Variants in EMB observed in about 807,000 individuals in gnomAD.
The protein encoded by EMB is embigin homolog.
In EMB, 31 loss-of-function variants were observed where a neutral mutation model predicts 41.4. That is an observed-to-expected ratio of 0.75 (90% CI 0.56 to 1.01). The LOEUF (loss-of-function observed/expected upper bound fraction) is 1.01. Ranked by LOEUF, EMB falls within the 50% of genes least tolerant of loss-of-function variation. EMB has a pLI of 0.00. For synonymous variants in EMB, 137 were observed against 140.4 expected (o/e 0.98, Z 0.17); for missense variants, 379 against 388.3 (o/e 0.98, Z 0.20).
Position 50,398,140 on chromosome 5 carries a change from C to A in EMB, c.*1133G>T, listed in dbSNP as rs1193258937. On this transcript the variant is annotated 3_prime_UTR_variant, in exon 9 of 9. Transcript: ENST00000303221. ...TTTGAGCAGTGGGACACTTCATGGTCATTTATGTTATCTAGTATCTTGTGG... is the reference window on the plus strand; with the variant it reads ...TTTGAGCAGTGGGACACTTCATGGTAATTTATGTTATCTAGTATCTTGTGG... The A allele has an allele frequency of 6.6e-6, 1 of 151,020 alleles. No individual in the cohort carries two copies. Among genetic ancestry groups the A allele is most frequent in the African/African-American group, 2.4e-5 (1 of 41,118 alleles). The allele number at this position is 151,020 out of a possible 1,614,324, so 9.4% of individuals were successfully genotyped here.
intron 2 of EMB, among the ~76,000 whole-genome samples, chr5:50,427,306 T>A (rs1396292515): frequency 1.1e-4 from 16 of 152,064 alleles, no homozygotes; most frequent in Admixed American, 1.0e-3. Flanking sequence ...ATTATAAATA[T>A]ATCTTCAAAT....
rs1745104237 is a variant in EMB, at chr5:50,398,302, G to A, written c.*971C>T. ...CGAAGTATCCTATTTTGGAAGATAA[G>A]TCTAAGGCATTCACAGCAATAAAAA... On this transcript the variant is annotated 3_prime_UTR_variant, in exon 9 of 9. Transcript: ENST00000303221. The A allele has an allele frequency of 6.6e-6, 1 of 151,868 alleles. No individual in the cohort carries two copies. The highest frequency in any genetic ancestry group is 1.5e-5 in the Non-Finnish European group (1 of 67,958). 9.4% of individuals were successfully genotyped at this position (151,868 alleles called of 1,614,324 possible). A position where few individuals can be genotyped will look rare whatever the true frequency, so the allele number is the denominator to read the frequency against.
chr5:50,413,137 G>T (rs1056700126), intron 2 of EMB, among the ~76,000 whole-genome samples: 1 of 152,056 alleles, frequency 6.6e-6, no homozygotes, highest in Non-Finnish European at 1.5e-5. Flanking sequence ...GGCAAATAAA[G>T]AAAAAATATT....
chr5:50,408,089 C>T (rs973230263), intron 4 of EMB, among the ~76,000 whole-genome samples: 1 of 151,926 alleles, frequency 6.6e-6, no homozygotes, highest in Non-Finnish European at 1.5e-5. Flanking sequence ...ATTATGCTAC[C>T]TTTCCATACT....
chr5:50,423,776 AGG>A (rs1745564620), intron 2 of EMB, among the ~76,000 whole-genome samples: 1 of 152,212 alleles, frequency 6.6e-6, no homozygotes, highest in Non-Finnish European at 1.5e-5. Context: ...AACTGTGTTG[AGG>A]ACAGGCCCAC....
At position 50,410,855 on chromosome 5, in the gene EMB, T is replaced by C. The variant is rs10061275; in HGVS notation, c.472+22A>G. The C allele has an allele frequency of 8.8e-3, 12,192 of 1,392,042 alleles. 533 individuals carry two copies. The African/African-American group carries it at 0.11, about 12-fold the overall frequency. 86.2% of individuals were successfully genotyped at this position (1,392,042 alleles called of 1,614,324 possible). A position where few individuals can be genotyped will look rare whatever the true frequency, so the allele number is the denominator to read the frequency against. Reference sequence around the variant, plus strand: ...ACATAATGCTGAAGTTATTAACTATTCCTCAAGTTATTAATACTGACCTTT... The same window carrying C: ...ACATAATGCTGAAGTTATTAACTATCCCTCAAGTTATTAATACTGACCTTT... On this transcript the variant is annotated intron_variant, in intron 4 of 8. Transcript: ENST00000303221.
intron 7 of EMB, 34 bp downstream of exon 7, chr5:50,402,252 A>C: frequency 6.3e-7 from 1 of 1,596,574 alleles, no homozygotes; most frequent in Non-Finnish European, 8.6e-7. Context: ...TATTTTACCC[A>C]AGTGAAAATT....
At chr5:50,406,108 G>A (rs1745244861) in intron 4 of EMB, among the ~76,000 whole-genome samples, 2 of 151,800 alleles carry the variant, frequency 1.3e-5, no homozygotes, top group South Asian at 4.1e-4. Context: ...CAAAAGTATT[G>A]TTCCTTTTTG....
At chr5:50,438,311 C>T (rs1026594188) in intron 1 of EMB, among the ~76,000 whole-genome samples, 2 of 152,140 alleles carry the variant, frequency 1.3e-5, no homozygotes, top group Non-Finnish European at 2.9e-5. Context: ...TGCAGTGAGC[C>T]GTGAATGTGC....
chr5:50,428,222 G>T lies in EMB; in HGVS notation c.118C>A (p.Pro40Thr), dbSNP rs752575009. The change falls in exon 2 of 9, where the codon CCT (proline) becomes ACT (threonine). Residue 40 changes from proline (P) to threonine (T), a missense_variant. Pro to Thr is a conservative substitution (Grantham distance 38, BLOSUM62 -1). Transcript: ENST00000303221. Reference sequence around the variant, plus strand: ...TCTCTGAGAGGTGGACTTGTAAAAGGCGAATCTATAAGAGAAAGAACACAT... The same window carrying T: ...TCTCTGAGAGGTGGACTTGTAAAAGTCGAATCTATAAGAGAAAGAACACAT... ...SSADGSAPDS[P>T]FTSPPLREEI... 6.2e-7 allele frequency: 1 copy of T among 1,609,150 alleles called. No individual in the cohort carries two copies. The highest frequency in any genetic ancestry group is 2.2e-5 in the East Asian group (1 of 44,810).
intron 1 of EMB, among the ~76,000 whole-genome samples, chr5:50,440,778 C>T (rs558439840): frequency 1.3e-5 from 2 of 152,232 alleles, no homozygotes; most frequent in African/African-American, 4.8e-5. Flanking sequence ...TACCTACGCG[C>T]CCGACTCGCG....
In EMB at chr5:50,441,056, C is replaced by T. The variant is rs1196596379; in HGVS notation, c.96G>A (p.Ala32=). Residue 32 remains alanine (A), a synonymous_variant, in exon 1 of 9, where the codon GCG becomes GCA. Transcript: ENST00000303221. The part of the protein sequence containing the change: ...CLLAAARPSS[A]DGSAPDSPFT... Reference sequence around the variant, plus strand: ...CCATCACACCTGGGGCACTGCCGTCCGCCGAGCTTGGGCGCGCGGCAGCGA... The same window carrying T: ...CCATCACACCTGGGGCACTGCCGTCTGCCGAGCTTGGGCGCGCGGCAGCGA... 7.3e-6 allele frequency: 11 copies of T among 1,509,336 alleles called. No individual in the cohort carries two copies. The highest frequency in any genetic ancestry group is 2.6e-5 in the East Asian group (1 of 37,892). The allele number at this position is 1,509,336 out of a possible 1,614,324, so 93.5% of individuals were successfully genotyped here.
At chr5:50,419,466 A>C (rs1745480561) in intron 2 of EMB, among the ~76,000 whole-genome samples, 1 of 152,108 alleles carries the variant, frequency 6.6e-6, no homozygotes, top group Non-Finnish European at 1.5e-5. Flanking sequence ...AATGGATTTC[A>C]AAATTATTTT....
At chr5:50,440,838 G>T (rs1243614538) in intron 1 of EMB, among the ~76,000 whole-genome samples, 1 of 152,054 alleles carries the variant, frequency 6.6e-6, no homozygotes, top group Non-Finnish European at 1.5e-5. Context: ...AACGCGAGCC[G>T]CAGCAGTTTC....
intron 2 of EMB, among the ~76,000 whole-genome samples, chr5:50,412,938 GTA>G (rs1491382474): frequency 9.6e-6 from 1 of 104,522 alleles, no homozygotes; most frequent in Non-Finnish European, 1.9e-5. Context: ...GGATACTGGT[GTA>G]AAAAAAAAAA....
rs1281462256 is a variant in EMB, at chr5:50,405,970, T to A, written c.473-118A>T. 1.0e-5 allele frequency: 14 copies of A among 1,377,584 alleles called. No homozygotes were observed. The South Asian group carries it at 2.2e-4, about 22-fold the overall frequency. The allele number at this position is 1,377,584 out of a possible 1,614,324, so 85.3% of individuals were successfully genotyped here. A position where few individuals can be genotyped will look rare whatever the true frequency, so the allele number is the denominator to read the frequency against. On this transcript the variant is annotated intron_variant, in intron 4 of 8. Coordinates refer to ENST00000303221, the MANE Select transcript of EMB (RefSeq NM_198449.3). ...ATTACATTATTTTAAGTACTTTCAG[T>A]TATATATCAATGAAACTAATTTATA...
In EMB at chr5:50,399,908, G is replaced by T. The variant is rs142113382; in HGVS notation, c.917C>A (p.Ser306Ter). The T allele has an allele frequency of 1.9e-5, 30 of 1,603,472 alleles. No individual in the cohort carries two copies. Among genetic ancestry groups the T allele is most frequent in the Non-Finnish European group, 2.4e-5 (28 of 1,175,286 alleles). The change falls in exon 8 of 9, where the codon TCA (serine) becomes TAA (stop). Residue 306 changes from serine to a stop codon, truncating the protein, a stop_gained. Transcript: ENST00000303221. LOFTEE classifies it high-confidence loss of function. ...ATTTTCTATACCATTGCTATCATCT[G>T]ATTTCCTGCACAGAAAACAAAAAAG... ...KEFEQIEQLK[S>*]DDSNGIENNV...
chr5:50,414,786 C>T (rs926713927), intron 2 of EMB, among the ~76,000 whole-genome samples: 34 of 152,094 alleles, frequency 2.2e-4, no homozygotes, highest in Admixed American at 1.5e-3. Context: ...CTACCTTATT[C>T]CTTGCAGTTC....
chr5:50,438,977 A>G (rs1745851526), intron 1 of EMB, among the ~76,000 whole-genome samples: 1 of 149,432 alleles, frequency 6.7e-6, no homozygotes, highest in South Asian at 2.1e-4. Context: ...ATAAGTATTT[A>G]CCTAACAGTG....
Sources: gnomAD v4.1 joint callset for allele counts (sites outside exome capture counted in the v4.1 genomes callset) on GRCh38, gnomAD v4.1.1 for gene constraint, MANE v1.5 for transcripts, NCBI Gene and HGNC (gene_info 2026-07-23, HGNC 2026-07-21) for gene names.